The following LIN7A variants were observed in gnomAD, a reference collection of about 807,000 sequenced individuals.
LIN7A encodes the protein lin-7 cell polarity scaffold A.
A neutral mutation model predicts 29.8 loss-of-function variants in LIN7A; 25 were observed. That is an observed-to-expected ratio of 0.84 (90% CI 0.61 to 1.17). LIN7A has a LOEUF of 1.17. Ranked by LOEUF, LIN7A falls within the 50% of genes most tolerant of loss-of-function variation. The pLI is 0.00. For missense variants in LIN7A, 239 were observed against 287.0 expected (o/e 0.83, Z 1.21); for synonymous variants, 118 against 107.5 (o/e 1.10, Z -0.60).
intron 3 of LIN7A, 47 bp downstream of exon 3, chr12:80,848,204 C>A: frequency 2.2e-6 from 3 of 1,359,734 alleles, no homozygotes; most frequent in Non-Finnish European, 3.2e-6. Context: ...CAATCAATTA[C>A]TAGATAACTG....
At chr12:80,816,714 GT>G (rs1347004929) in intron 4 of LIN7A, among the ~76,000 whole-genome samples, 1 of 152,098 alleles carries the variant, frequency 6.6e-6, no homozygotes, top group African/African-American at 2.4e-5. Context: ...TTTCAAGTTA[GT>G]TAATTTGATT....
intron 4 of LIN7A, among the ~76,000 whole-genome samples, chr12:80,819,595 G>A (rs1360017792): frequency 1.3e-5 from 2 of 152,084 alleles, no homozygotes; most frequent in Non-Finnish European, 2.9e-5. Flanking sequence ...AAAATATAAA[G>A]TCTTATAGGC....
chr12:80,821,830 T>G (rs4842359), intron 4 of LIN7A, among the ~76,000 whole-genome samples: 68,315 of 152,040 alleles, frequency 0.45, 15,568 homozygotes, highest in East Asian at 0.62. Context: ...CCCTCTCCCC[T>G]TGCAGGCTCA....
At chr12:80,800,350 G>T (rs556776826) in intron 5 of LIN7A, among the ~76,000 whole-genome samples, 1 of 151,994 alleles carries the variant, frequency 6.6e-6, no homozygotes, top group South Asian at 2.1e-4. Context: ...TTAGCTGGGT[G>T]TGGTGGCGCA....
chr12:80,819,054 A>T (rs1871671453), intron 4 of LIN7A, among the ~76,000 whole-genome samples: 1 of 152,212 alleles, frequency 6.6e-6, no homozygotes, highest in South Asian at 2.1e-4. Context: ...CCCAGGGTCA[A>T]TCAAGGTCCA....
chr12:80,876,492 A>G (rs1353924986), intron 2 of LIN7A, among the ~76,000 whole-genome samples: 2 of 152,224 alleles, frequency 1.3e-5, no homozygotes, highest in Non-Finnish European at 2.9e-5. Flanking sequence ...ACAAAGGAAG[A>G]TAATATATTC....
intron 2 of LIN7A, among the ~76,000 whole-genome samples, chr12:80,857,237 G>A (rs779050069): frequency 1.6e-4 from 25 of 152,140 alleles, no homozygotes; most frequent in Non-Finnish European, 3.2e-4. Context: ...GAGTAAAACA[G>A]ATAGTTTACT....
chr12:80,864,959 T>C (rs1874063951), intron 2 of LIN7A, among the ~76,000 whole-genome samples: 1 of 152,212 alleles, frequency 6.6e-6, no homozygotes. Context: ...AGTGCTTCAT[T>C]AGTACTTACC....
intron 4 of LIN7A, among the ~76,000 whole-genome samples, chr12:80,837,843 A>ATCC (rs773243018): frequency 6.0e-5 from 9 of 150,740 alleles, no homozygotes; most frequent in East Asian, 3.9e-4. Flanking sequence ...CATCATCCTC[A>ATCC]TCATCATCAT....
chr12:80,846,719 T>C (rs1241034086), intron 3 of LIN7A, among the ~76,000 whole-genome samples: 2 of 152,202 alleles, frequency 1.3e-5, no homozygotes, highest in Non-Finnish European at 2.9e-5. Context: ...ATACAAAACA[T>C]CATTTAATAT....
Position 80,937,661 on chromosome 12 carries a change from T to C in LIN7A, c.62A>G (p.Gln21Arg). 1.3e-6 allele frequency: 2 copies of C among 1,567,852 alleles called. No individual in the cohort carries two copies. The highest frequency in any genetic ancestry group is 1.7e-6 in the Non-Finnish European group (2 of 1,153,980). ...TADMATLTVV[Q>R]PLTLDRDVAR... ...CTTACCTCTGTCCAGGGTGAGCGGC[T>C]GGACCACTGTCAATGTCGCCATGTC... The change falls in exon 1 of 6, where the codon CAG (glutamine) becomes CGG (arginine). Residue 21 changes from glutamine to arginine, a missense_variant. By Grantham distance (43) the Gln-to-Arg change is conservative. Transcript: ENST00000552864.
At chr12:80,839,035 T>C (rs1565896776) in intron 4 of LIN7A, among the ~76,000 whole-genome samples, 1 of 152,194 alleles carries the variant, frequency 6.6e-6, no homozygotes, top group Non-Finnish European at 1.5e-5. Context: ...GTAAATTCCT[T>C]TTCAAAACCT....
At chr12:80,927,833 T>A (rs1208584574) in intron 1 of LIN7A, among the ~76,000 whole-genome samples, 1 of 152,166 alleles carries the variant, frequency 6.6e-6, no homozygotes, top group Non-Finnish European at 1.5e-5. Context: ...ACATTAGGTA[T>A]TTCTCCTCAA....
intron 1 of LIN7A, among the ~76,000 whole-genome samples, chr12:80,921,992 T>C (rs1877338739): frequency 6.6e-6 from 1 of 152,224 alleles, no homozygotes; most frequent in African/African-American, 2.4e-5. Flanking sequence ...GTGCATTAAA[T>C]TCTACTGCCT....
intron 4 of LIN7A, among the ~76,000 whole-genome samples, chr12:80,827,169 C>T (rs1421232419): frequency 6.6e-6 from 1 of 152,068 alleles, no homozygotes; most frequent in Non-Finnish European, 1.5e-5. Flanking sequence ...GAGCAGATCA[C>T]GAGGTCAGGA....
rs1202163454 is a variant in LIN7A at position 80,807,070 on chromosome 12, T to TTTG, written c.*4394_*4395insCAA. On this transcript the variant is annotated intron_variant, in intron 5 of 5. Coordinates refer to ENST00000552864, the MANE Select transcript of LIN7A (RefSeq NM_004664.4). ...AAATTTAATGAAGATGGAGTTTTTT[T>TTTG]TTTTTTTTTTTTTTTTTTTTTGACG... 1.8e-4 allele frequency among the ~76,000 whole-genome samples: 20 copies of TTTG among 111,096 alleles called. 3 individuals carry two copies. The highest frequency in any genetic ancestry group is 3.0e-4 in the Non-Finnish European group (17 of 56,802). 72.9% of individuals were successfully genotyped at this position (111,096 alleles called of 152,430 possible). A position where few individuals can be genotyped will look rare whatever the true frequency, so the allele number is the denominator to read the frequency against.
At chr12:80,836,770 A>G (rs1473533241) in intron 4 of LIN7A, among the ~76,000 whole-genome samples, 1 of 152,046 alleles carries the variant, frequency 6.6e-6, no homozygotes, top group Non-Finnish European at 1.5e-5. Context: ...ACAGTGTTTA[A>G]TTATGAGGCC....
Position 80,797,579 on chromosome 12 carries a change from CT to C in LIN7A, c.*147del, listed in dbSNP as rs1870513248. On this transcript the variant is annotated 3_prime_UTR_variant, in exon 6 of 6. Coordinates refer to ENST00000552864, the MANE Select transcript of LIN7A (RefSeq NM_004664.4). ...CCAGAGAAAGAAGGTGTTGAGTTGC[CT>C]TGGTAAAGAATTTATACACCATGTG... is the stretch of plus-strand genomic sequence containing the variant. The C allele has an allele frequency of 6.6e-6, 1 of 152,594 alleles. No homozygotes were observed. Among genetic ancestry groups the C allele is most frequent in the Non-Finnish European group, 1.5e-5 (1 of 68,036 alleles). 9.5% of individuals were successfully genotyped at this position (152,594 alleles called of 1,614,324 possible). A position where few individuals can be genotyped will look rare whatever the true frequency, so the allele number is the denominator to read the frequency against.
intron 2 of LIN7A, among the ~76,000 whole-genome samples, chr12:80,868,799 T>C (rs1874276096): frequency 6.6e-6 from 1 of 152,086 alleles, no homozygotes; most frequent in Admixed American, 6.6e-5. Flanking sequence ...GCAGATAAGA[T>C]CACTAAAGAC....
Sources: allele counts gnomAD v4.1 joint callset (sites outside exome capture counted in the v4.1 genomes callset), GRCh38; gene constraint gnomAD v4.1.1; transcripts MANE v1.5; gene names NCBI Gene and HGNC (gene_info 2026-07-23, HGNC 2026-07-21).